STK33: variants seen among roughly 807,000 people sequenced by gnomAD.
STK33 encodes serine/threonine-protein kinase 33.
A neutral mutation model predicts 58.0 loss-of-function variants in STK33; 52 were observed. The observed-to-expected ratio is 0.90, with a 90% confidence interval of 0.72 to 1.13. The LOEUF (loss-of-function observed/expected upper bound fraction) is 1.13. Ranked by LOEUF, STK33 falls within the 50% of genes most tolerant of loss-of-function variation. The pLI is 0.00. For missense variants in STK33, 630 were observed against 604.2 expected (o/e 1.04, Z -0.45); for synonymous variants, 215 against 200.1 (o/e 1.07, Z -0.63).
intron 1 of STK33, among the ~76,000 whole-genome samples, chr11:8,513,954 C>T (rs545529095): frequency 3.2e-4 from 48 of 152,014 alleles, no homozygotes; most frequent in African/African-American, 1.1e-3. Flanking sequence ...CACTTCCCCA[C>T]CCCACCCCAC....
At chr11:8,523,938 C>T (rs7950870) in intron 1 of STK33, among the ~76,000 whole-genome samples, 79,612 of 152,060 alleles carry the variant, frequency 0.52, 21,307 homozygotes, top group African/African-American at 0.64. Context: ...TGGAAAGAAG[C>T]AGACATGGGA....
intron 1 of STK33, among the ~76,000 whole-genome samples, chr11:8,578,815 C>T (rs1958361964): frequency 1.3e-5 from 2 of 151,830 alleles, no homozygotes; most frequent in African/African-American, 4.8e-5. Flanking sequence ...TATGCAGAGG[C>T]TCTATTGGAT....
the STK33 span, among the ~76,000 whole-genome samples, chr11:8,386,032 C>T: frequency 1.3e-5 from 2 of 152,186 alleles, no homozygotes; most frequent in Non-Finnish European, 2.9e-5. Context: ...CTTGGCCTCC[C>T]AAAGTGCTGG....
chr11:8,378,348 G>A, the STK33 span, among the ~76,000 whole-genome samples: 6 of 152,112 alleles, frequency 3.9e-5, no homozygotes, highest in East Asian at 1.9e-4. Context: ...GAGAAACCCC[G>A]TCTCTAATAA....
chr11:8,401,732 G>C (rs1484319079), intron 15 of STK33, among the ~76,000 whole-genome samples: 2 of 152,132 alleles, frequency 1.3e-5, no homozygotes, highest in African/African-American at 4.8e-5. Context: ...CTGACAAAGG[G>C]CTAATATCCA....
At chr11:8,506,829 A>T (rs1403785711) in intron 1 of STK33, among the ~76,000 whole-genome samples, 1 of 152,008 alleles carries the variant, frequency 6.6e-6, no homozygotes, top group Non-Finnish European at 1.5e-5. Flanking sequence ...TACCTTTTTA[A>T]TTTGATATAA....
intron 1 of STK33, among the ~76,000 whole-genome samples, chr11:8,493,193 A>G (rs191805279): frequency 6.6e-6 from 1 of 152,352 alleles, no homozygotes; most frequent in Non-Finnish European, 1.5e-5. Flanking sequence ...CAATTGATGG[A>G]CCGCTAGCAA....
At chr11:8,564,575 T>C (rs1410381020) in intron 1 of STK33, among the ~76,000 whole-genome samples, 1 of 152,172 alleles carries the variant, frequency 6.6e-6, no homozygotes, top group Non-Finnish European at 1.5e-5. Flanking sequence ...TTCCTAAGTA[T>C]CACCTTCAAG....
At chr11:8,462,482 T>G (rs1947678243) in intron 7 of STK33, among the ~76,000 whole-genome samples, 1 of 148,938 alleles carries the variant, frequency 6.7e-6, no homozygotes, top group Admixed American at 6.7e-5. Context: ...CATATATATA[T>G]ATATGTATGT....
the STK33 span, among the ~76,000 whole-genome samples, chr11:8,361,355 G>A: frequency 1.3e-5 from 2 of 152,132 alleles, no homozygotes; most frequent in Non-Finnish European, 2.9e-5. The surrounding 1 kb of genome is among the most constrained non-coding windows in gnomAD (Gnocchi z 4.8). Context: ...TGGTTGTCCA[G>A]CCTGCACCTC....
chr11:8,468,995 T>C (rs1241799060), intron 6 of STK33, among the ~76,000 whole-genome samples: 1 of 152,180 alleles, frequency 6.6e-6, no homozygotes. Context: ...AACAATGCAA[T>C]TGTAATCTTT....
At chr11:8,495,588 C>T (rs371274086) in intron 1 of STK33, among the ~76,000 whole-genome samples, 4 of 152,122 alleles carry the variant, frequency 2.6e-5, no homozygotes, top group Non-Finnish European at 2.9e-5. Context: ...CCCAGCGATC[C>T]CATTACTGGG....
At chr11:8,398,213 A>C (rs1354711096) in intron 15 of STK33, among the ~76,000 whole-genome samples, 1 of 152,210 alleles carries the variant, frequency 6.6e-6, no homozygotes, top group East Asian at 1.9e-4. Flanking sequence ...GCCAGAGGGA[A>C]AGGTCGGGTT....
In STK33 at chr11:8,464,829, A is replaced by AG; in HGVS notation, c.340-8_340-7insC. On this transcript the variant is annotated splice_region_variant and splice_polypyrimidine_tract_variant and intron_variant, in intron 6 of 15. Transcript: ENST00000687296. ...TTCCAAAGGTATAGATTTCCTGGAG[A>AG]AAAAAAAAAAAAGAGTTGTCTCTCT... is the stretch of plus-strand genomic sequence containing the variant. 1 of 804,400 alleles carries AG rather than the reference A, an allele frequency of 1.2e-6. No homozygotes were observed. The highest frequency in any genetic ancestry group is 3.0e-5 in the Admixed American group (1 of 33,508). 49.8% of individuals were successfully genotyped at this position (804,400 alleles called of 1,614,324 possible).
intron 1 of STK33, among the ~76,000 whole-genome samples, chr11:8,578,001 T>C (rs1458745855): frequency 6.6e-6 from 1 of 152,114 alleles, no homozygotes; most frequent in Non-Finnish European, 1.5e-5. Flanking sequence ...AATGAAAGTT[T>C]CACTCTGGTG....
intron 15 of STK33, among the ~76,000 whole-genome samples, chr11:8,410,470 C>CTTTTTTTTTTTTTTTTTTTTT (rs11382344): frequency 8.2e-6 from 1 of 121,844 alleles, no homozygotes; most frequent in Non-Finnish European, 1.7e-5. Flanking sequence ...CTTTTCTTTT[C>CTTTTTTTTTTTTTTTTTTTTT]TTTTTTTTTT....
At chr11:8,511,717 C>T (rs1018584498) in intron 1 of STK33, among the ~76,000 whole-genome samples, 1 of 152,106 alleles carries the variant, frequency 6.6e-6, no homozygotes, top group Admixed American at 6.6e-5. Context: ...AATGCTTTTG[C>T]TGTGTCTATT....
the STK33 span, among the ~76,000 whole-genome samples, chr11:8,371,780 CGTT>C: frequency 7.8e-6 from 1 of 128,508 alleles, no homozygotes; most frequent in Non-Finnish European, 1.7e-5. Context: ...TCCATCCCTT[CGTT>C]CCTTTCTCCC....
chr11:8,462,334 G>GA (rs566224457), intron 7 of STK33, among the ~76,000 whole-genome samples: 5 of 149,750 alleles, frequency 3.3e-5, no homozygotes, highest in Admixed American at 1.3e-4. Context: ...AATTGAGGAA[G>GA]AAAAAAAACA....
Sources: allele counts gnomAD v4.1 joint callset (sites outside exome capture counted in the v4.1 genomes callset), GRCh38; gene constraint gnomAD v4.1.1; non-coding constraint Gnocchi (gnomAD v3.1); transcripts MANE v1.5; gene names NCBI Gene and HGNC (gene_info 2026-07-23, HGNC 2026-07-21).